Variants in NLGN1 observed in about 807,000 individuals in gnomAD.
The protein encoded by NLGN1 is neuroligin 1, also known as neuroligin-1.
Under a neutral mutation model 65.5 loss-of-function variants are expected in NLGN1, and 12 were observed. That is an observed-to-expected ratio of 0.18 (90% confidence interval 0.12 to 0.30). The LOEUF is 0.30. NLGN1 is among the 10% of genes least tolerant of loss of function. NLGN1 has a pLI of 1.00. For missense variants in NLGN1, 750 were observed against 1,007.1 expected, an observed-to-expected ratio of 0.74 and a Z score of 3.46; for synonymous variants, 350 against 359.5, an observed-to-expected ratio of 0.97 and a Z score of 0.30.
At chr3:173,504,543 A>T (rs1731682401) in intron 2 of NLGN1, among the ~76,000 whole-genome samples, 2 of 152,028 alleles carry the variant, frequency 1.3e-5, no homozygotes, top group South Asian at 4.1e-4. Flanking sequence ...AGACCCTTGA[A>T]ATCTCTTAAC....
At chr3:173,937,414 G>C (rs146252654) in intron 4 of NLGN1, among the ~76,000 whole-genome samples, 288 of 152,124 alleles carry the variant, frequency 1.9e-3, no homozygotes, top group African/African-American at 6.7e-3. Context: ...TTCACTAGTG[G>C]CTCAAATTGG....
At chr3:173,989,568 T>C (rs1183212550) in intron 4 of NLGN1, among the ~76,000 whole-genome samples, 1 of 152,198 alleles carries the variant, frequency 6.6e-6, no homozygotes. Context: ...GTAATGTTAA[T>C]ATGACTTTGT....
At chr3:174,107,035 G>C (rs1714078084) in intron 4 of NLGN1, among the ~76,000 whole-genome samples, 1 of 151,134 alleles carries the variant, frequency 6.6e-6, no homozygotes, top group South Asian at 2.1e-4. Flanking sequence ...GAGAGAGAGA[G>C]AGAGAGAGAG....
chr3:174,113,175 T>A (rs1715619850), intron 4 of NLGN1, among the ~76,000 whole-genome samples: 1 of 151,974 alleles, frequency 6.6e-6, no homozygotes, highest in Admixed American at 6.6e-5. Flanking sequence ...CTTTGACATT[T>A]TTCTTACCTT....
chr3:173,418,553 T>C (rs1336342272), intron 1 of NLGN1, among the ~76,000 whole-genome samples: 2 of 152,342 alleles, frequency 1.3e-5, no homozygotes, highest in East Asian at 3.9e-4. Flanking sequence ...GTATGATCTT[T>C]CTTCTCATTG....
chr3:173,837,612 A>G (rs1017917629), intron 4 of NLGN1, among the ~76,000 whole-genome samples: 1 of 152,202 alleles, frequency 6.6e-6, no homozygotes, highest in African/African-American at 2.4e-5. Context: ...AAATAAAACC[A>G]GGGAACTGAG....
rs561287643 is a variant in NLGN1 at position 174,124,200 on chromosome 3, A to G, written c.647-151115A>G. 1.4e-4 allele frequency among the ~76,000 whole-genome samples: 22 copies of G among 152,214 alleles called. No homozygotes were observed. In the South Asian group the frequency reaches 4.1e-3, roughly 29 times the overall value. On this transcript the variant is annotated intron_variant, in intron 4 of 6. Coordinates refer to ENST00000457714, the Ensembl canonical transcript of NLGN1. Reference sequence around the variant, plus strand: ...CAGCCTCTAGAACTGTGTGAAAATAATTTTTGTTGTTTAAGCTACCCAGTC... The same window carrying G: ...CAGCCTCTAGAACTGTGTGAAAATAGTTTTTGTTGTTTAAGCTACCCAGTC...
chr3:173,396,934 G>A (rs1406455062), upstream of NLGN1, among the ~76,000 whole-genome samples: 1 of 152,128 alleles, frequency 6.6e-6, no homozygotes, highest in African/African-American at 2.4e-5. Context: ...GCTAGTAGCT[G>A]AGTTTTCCAA....
At chr3:174,007,061 T>G (rs1724572320) in intron 4 of NLGN1, among the ~76,000 whole-genome samples, 1 of 151,690 alleles carries the variant, frequency 6.6e-6, no homozygotes, top group Admixed American at 6.6e-5. Flanking sequence ...GACCAAGACT[T>G]CATCTCAAAA....
chr3:173,871,120 G>T (rs571189867), intron 4 of NLGN1, among the ~76,000 whole-genome samples: 2 of 152,228 alleles, frequency 1.3e-5, no homozygotes, highest in East Asian at 3.9e-4. Flanking sequence ...CTAAACTACA[G>T]GGTTCAGAGA....
At chr3:173,536,611 G>A (rs1453659653) in intron 2 of NLGN1, among the ~76,000 whole-genome samples, 1 of 152,134 alleles carries the variant, frequency 6.6e-6, no homozygotes, top group African/African-American at 2.4e-5. Context: ...TAGCAAAAAT[G>A]TAATTCCTAC....
intron 4 of NLGN1, among the ~76,000 whole-genome samples, chr3:173,886,893 A>G (rs1275306657): frequency 6.6e-6 from 1 of 152,090 alleles, no homozygotes; most frequent in East Asian, 1.9e-4. Context: ...TATAAAATAG[A>G]CTAAATATAG....
chr3:174,039,897 C>T (rs967711178), intron 4 of NLGN1, among the ~76,000 whole-genome samples: 2 of 152,164 alleles, frequency 1.3e-5, no homozygotes, highest in South Asian at 2.1e-4. Context: ...GTAGGACTTT[C>T]GTGTTGCAGC....
At chr3:173,671,602 C>T (rs906185471) in intron 3 of NLGN1, among the ~76,000 whole-genome samples, 2 of 152,220 alleles carry the variant, frequency 1.3e-5, no homozygotes, top group African/African-American at 2.4e-5. Context: ...TGCCACTTTA[C>T]GTTTGGCACT....
intron 3 of NLGN1, among the ~76,000 whole-genome samples, chr3:173,802,987 C>T (rs1325412468): frequency 4.6e-5 from 7 of 151,888 alleles, no homozygotes; most frequent in Non-Finnish European, 7.4e-5. Context: ...GGATTATAGG[C>T]GCCTGCCACC....
intron 4 of NLGN1, among the ~76,000 whole-genome samples, chr3:173,993,211 GA>G (rs1721499968): frequency 6.6e-6 from 1 of 152,176 alleles, no homozygotes; most frequent in African/African-American, 2.4e-5. Flanking sequence ...CAGCTTCATA[GA>G]AATGTCTTAA....
intron 2 of NLGN1, among the ~76,000 whole-genome samples, chr3:173,570,782 C>T (rs1744522675): frequency 6.6e-6 from 1 of 152,194 alleles, no homozygotes; most frequent in Admixed American, 6.5e-5. Context: ...TGGCTTACTG[C>T]AGCCTCCACC....
intron 4 of NLGN1, among the ~76,000 whole-genome samples, chr3:173,902,582 A>T (rs1737569921): frequency 6.6e-6 from 1 of 152,110 alleles, no homozygotes; most frequent in Non-Finnish European, 1.5e-5. Flanking sequence ...GTGGCTACTC[A>T]AACCAGTTTT....
At chr3:173,396,443 T>C (rs1716646998), upstream of NLGN1, 1 of 152,184 alleles carries the variant, frequency 6.6e-6, no homozygotes, top group Non-Finnish European at 1.5e-5. Context: ...TATGTTTATA[T>C]ACCGACCGCA....
Sources: gnomAD v4.1 joint callset for allele counts (sites outside exome capture counted in the v4.1 genomes callset) on GRCh38, gnomAD v4.1.1 for gene constraint, MANE v1.5 for transcripts, NCBI Gene and HGNC (gene_info 2026-07-23, HGNC 2026-07-21) for gene names.